Variants in RALGAPA2 observed in about 807,000 individuals in gnomAD.
RALGAPA2 encodes the protein Ral GTPase activating protein catalytic subunit alpha 2.
A neutral mutation model predicts 230.4 loss-of-function variants in RALGAPA2; 139 were observed. That is an observed-to-expected ratio of 0.60 (90% CI 0.53 to 0.69). RALGAPA2 has a LOEUF of 0.69. Among genes scored for constraint, RALGAPA2 ranks in the 30% least tolerant of loss-of-function variants. The probability of loss-of-function intolerance (pLI) is 0.00; values close to 1 mark genes in which losing one functional copy is unlikely to be tolerated. For missense variants in RALGAPA2, 2,163 were observed against 2,276.0 expected, an observed-to-expected ratio of 0.95 and a Z score of 1.01; for synonymous variants, 847 against 837.8, an observed-to-expected ratio of 1.01 and a Z score of -0.19.
intron 3 of RALGAPA2, among the ~76,000 whole-genome samples, chr20:20,659,027 T>C (rs2067683498): frequency 6.6e-6 from 1 of 152,268 alleles, no homozygotes; most frequent in South Asian, 2.1e-4. Flanking sequence ...CCAAACTAGC[T>C]GCAGGACAGA....
At chr20:20,560,568 T>C (rs1388191995) in intron 23 of RALGAPA2, among the ~76,000 whole-genome samples, 5 of 152,216 alleles carry the variant, frequency 3.3e-5, no homozygotes, top group Non-Finnish European at 5.9e-5. Context: ...GAAACAAAAA[T>C]TGCAATTTAA....
intron 37 of RALGAPA2, among the ~76,000 whole-genome samples, chr20:20,444,142 AACAC>A (rs1279773719): frequency 6.6e-6 from 1 of 152,106 alleles, no homozygotes; most frequent in African/African-American, 2.4e-5. Context: ...ATGGCAACAC[AACAC>A]ACACACACTT....
At chr20:20,567,537 C>A (rs984613864) in intron 23 of RALGAPA2, among the ~76,000 whole-genome samples, 2 of 152,114 alleles carry the variant, frequency 1.3e-5, no homozygotes, top group African/African-American at 4.8e-5. Context: ...AAGGGAGAAA[C>A]AACATCAAGG....
intron 8 of RALGAPA2, among the ~76,000 whole-genome samples, chr20:20,636,557 T>C (rs201478430): frequency 6.9e-6 from 1 of 145,618 alleles, no homozygotes; most frequent in Non-Finnish European, 1.5e-5. Context: ...TGTGTGTGTG[T>C]ATGTGTGTGT....
At chr20:20,690,320 C>T (rs1568758537) in intron 1 of RALGAPA2, among the ~76,000 whole-genome samples, 1 of 151,750 alleles carries the variant, frequency 6.6e-6, no homozygotes, top group Non-Finnish European at 1.5e-5. Context: ...CCTTGCAAGA[C>T]CCCCCATTCC....
At chr20:20,492,392 G>A (rs566840278) in intron 36 of RALGAPA2, among the ~76,000 whole-genome samples, 1 of 152,176 alleles carries the variant, frequency 6.6e-6, no homozygotes, top group South Asian at 2.1e-4. Flanking sequence ...CCTTCAAAAG[G>A]AATATTCCTT....
intron 5 of RALGAPA2, among the ~76,000 whole-genome samples, chr20:20,642,167 G>C (rs1185925684): frequency 1.5e-5 from 2 of 135,410 alleles, no homozygotes; most frequent in Non-Finnish European, 3.2e-5. Context: ...GGGAGGGGAG[G>C]GGAGGGGAGG....
chr20:20,529,584 C>A (rs1042992083), intron 27 of RALGAPA2, among the ~76,000 whole-genome samples: 1 of 152,192 alleles, frequency 6.6e-6, no homozygotes, highest in Admixed American at 6.5e-5. Context: ...TACTGTACCT[C>A]TTCTATGTCT....
chr20:20,567,050 G>A (rs2064452510), intron 23 of RALGAPA2, among the ~76,000 whole-genome samples: 1 of 152,134 alleles, frequency 6.6e-6, no homozygotes, highest in Non-Finnish European at 1.5e-5. Flanking sequence ...GCATTTAAAA[G>A]AGAATTTAAC....
intron 4 of RALGAPA2, among the ~76,000 whole-genome samples, chr20:20,648,705 G>A (rs1260467069): frequency 6.6e-6 from 1 of 151,918 alleles, no homozygotes; most frequent in Non-Finnish European, 1.5e-5. Flanking sequence ...AAAAGGGCTA[G>A]GAGAGAACAA....
chr20:20,605,294 C>T lies in RALGAPA2; in HGVS notation c.1919G>A (p.Trp640Ter), dbSNP rs1319978484. Residue 640 changes from tryptophan to a stop codon, truncating the protein, a stop_gained, in exon 15 of 40, where the codon TGG (tryptophan) becomes TAG (stop). Coordinates refer to ENST00000202677, the MANE Select transcript of RALGAPA2 (RefSeq NM_020343.4). LOFTEE classifies it high-confidence loss of function. ...TGTCAAGGAGTCCATAATGTTGGCC[C>T]ACTCGTTTATAAGTTCCTCCCATTC... ...LTEWEELINE[W>*]ANIMDSLTAV... 2 of 1,613,634 alleles carry T rather than the reference C, an allele frequency of 1.2e-6. No individual in the cohort carries two copies. The highest frequency in any genetic ancestry group is 3.3e-5 in the Admixed American group (2 of 59,982).
chr20:20,626,245 C>T (rs1285599786), intron 10 of RALGAPA2, among the ~76,000 whole-genome samples: 1 of 152,204 alleles, frequency 6.6e-6, no homozygotes, highest in Non-Finnish European at 1.5e-5. Flanking sequence ...AGAAATTCAT[C>T]ATTGACCAAC....
chr20:20,475,055 T>C (rs1334771732), intron 36 of RALGAPA2, among the ~76,000 whole-genome samples: 2 of 152,164 alleles, frequency 1.3e-5, no homozygotes, highest in Admixed American at 6.6e-5. Flanking sequence ...TGACACACAA[T>C]TGGAAGGCAA....
intron 3 of RALGAPA2, among the ~76,000 whole-genome samples, chr20:20,668,180 A>G (rs2068020029): frequency 6.6e-6 from 1 of 152,222 alleles, no homozygotes. Flanking sequence ...AGCCACATGG[A>G]TCACCTGAGG....
At chr20:20,397,882 G>A (rs948583941) in intron 38 of RALGAPA2, among the ~76,000 whole-genome samples, 6 of 152,184 alleles carry the variant, frequency 3.9e-5, no homozygotes, top group Admixed American at 1.3e-4. Context: ...GTAACTGATC[G>A]TGGGTCGTGT....
At chr20:20,408,960 C>T (rs763784516) in intron 38 of RALGAPA2, among the ~76,000 whole-genome samples, 3 of 152,142 alleles carry the variant, frequency 2.0e-5, no homozygotes, top group Non-Finnish European at 2.9e-5. Flanking sequence ...AAGGTAGATA[C>T]GATGGTCTTT....
chr20:20,586,475 G>C (rs1335449478), intron 18 of RALGAPA2, among the ~76,000 whole-genome samples: 1 of 152,052 alleles, frequency 6.6e-6, no homozygotes, highest in African/African-American at 2.4e-5. Context: ...AAACACTAAA[G>C]AAAATAAATC....
chr20:20,506,371 A>T (rs979781443), intron 33 of RALGAPA2, among the ~76,000 whole-genome samples: 1 of 152,222 alleles, frequency 6.6e-6, no homozygotes, highest in African/African-American at 2.4e-5. Context: ...ATATGGTGAT[A>T]CATTTGAATG....
Position 20,546,778 on chromosome 20 carries a change from A to C in RALGAPA2, c.3211T>G (p.Phe1071Val), listed in dbSNP as rs1232289453. Residue 1071 changes from phenylalanine to valine, a missense_variant, in exon 24 of 40, where the codon TTT (phenylalanine) becomes GTT (valine). Phe to Val is a conservative substitution (Grantham distance 50). Coordinates refer to ENST00000202677, the MANE Select transcript of RALGAPA2 (RefSeq NM_020343.4). ...CCCACCAGCATTGAGAAGCCAGGAA[A>C]ACCCAGGGAGAAAAAGCGGGGTGGA... ...HCPPRFFSLG[F>V]PGFSMLVGDF... 1 of 1,612,040 alleles carries C rather than the reference A, an allele frequency of 6.2e-7. No individual in the cohort carries two copies. The highest frequency in any genetic ancestry group is 8.5e-7 in the Non-Finnish European group (1 of 1,179,310).
Sources: gnomAD v4.1 joint callset for allele counts (sites outside exome capture counted in the v4.1 genomes callset) on GRCh38, gnomAD v4.1.1 for gene constraint, MANE v1.5 for transcripts, NCBI Gene and HGNC (gene_info 2026-07-23, HGNC 2026-07-21) for gene names.